The following PKHD1 variants were observed in gnomAD, a reference collection of about 807,000 sequenced individuals.
PKHD1 encodes the protein fibrocystin.
In PKHD1, 291 loss-of-function variants were observed where a neutral mutation model predicts 412.0. That is an observed-to-expected ratio of 0.71 (90% confidence interval 0.64 to 0.78). The LOEUF (loss-of-function observed/expected upper bound fraction) is 0.78. PKHD1 is among the 30% of genes least tolerant of loss of function. The probability of loss-of-function intolerance (pLI) is 0.00; values close to 1 mark genes in which losing one functional copy is unlikely to be tolerated. For missense variants in PKHD1, 4,825 were observed against 4,950.7 expected (o/e 0.97, Z 0.76); for synonymous variants, 1,777 against 1,821.5 (o/e 0.98, Z 0.62).
chr6:52,016,683 A>C (rs1800594764), intron 34 of PKHD1, among the ~76,000 whole-genome samples: 1 of 151,978 alleles, frequency 6.6e-6, no homozygotes, highest in Non-Finnish European at 1.5e-5. Flanking sequence ...GACCTTCATT[A>C]GATAATCAAA....
At chr6:51,880,791 A>C (rs1480322319) in intron 46 of PKHD1, among the ~76,000 whole-genome samples, 2 of 59,032 alleles carry the variant, frequency 3.4e-5, no homozygotes, top group Non-Finnish European at 6.0e-5. Context: ...AAAAAAAAAA[A>C]AAAAAAAAAA....
rs199531851 is a variant in PKHD1, at chr6:52,046,182, G to A, written c.2414C>T (p.Pro805Leu). ...AAGGTGATGAGCAGAAATTTGTACAGGGACATCTGTGAGAGAAGGTTTTGA... is the reference window on the plus strand; with the variant it reads ...AAGGTGATGAGCAGAAATTTGTACAAGGACATCTGTGAGAGAAGGTTTTGA... ...QLPNTVISDV[P>L]VQISAHHLHQ... Residue 805 changes from proline (P) to leucine (L), a missense_variant, in exon 24 of 67, where the codon CCT (proline) becomes CTT (leucine). Physicochemically the swap from Pro to Leu is moderately conservative, Grantham distance 98 (BLOSUM62 -3). Transcript: ENST00000371117. The A allele has an allele frequency of 7.0e-5, 113 of 1,611,184 alleles. No individual in the cohort carries two copies. Among genetic ancestry groups the A allele is most frequent in the Non-Finnish European group, 9.3e-5 (110 of 1,177,478 alleles).
intron 52 of PKHD1, among the ~76,000 whole-genome samples, chr6:51,809,053 C>G (rs1764280177): frequency 6.6e-6 from 1 of 152,030 alleles, no homozygotes; most frequent in African/African-American, 2.4e-5. Context: ...AATCAATAAT[C>G]AATTCAATAT....
intron 23 of PKHD1, 84 bp downstream of exon 23, chr6:52,048,408 A>C: frequency 7.6e-7 from 1 of 1,321,454 alleles, no homozygotes; most frequent in South Asian, 1.2e-5. Context: ...CACCTGTCTG[A>C]CAACCTCCCA....
At chr6:51,783,038 T>A (rs891941045) in intron 53 of PKHD1, among the ~76,000 whole-genome samples, 20 of 152,150 alleles carry the variant, frequency 1.3e-4, no homozygotes, top group Admixed American at 1.2e-3. Flanking sequence ...CAAAGGCACG[T>A]GCTAATGATG....
rs2499481 is a variant in PKHD1, at chr6:52,026,124, C to G, written c.3686G>C (p.Trp1229Ser). ...IGFSRDPALV[W>S]VLVGNRSCDI... is the part of the protein sequence containing the mutation. ...ACAGGACCGATTGCCCACAAGTACCCAAACCAAAGCTGGGTCCCTGCTGAA... is the reference window on the plus strand; with the variant it reads ...ACAGGACCGATTGCCCACAAGTACCGAAACCAAAGCTGGGTCCCTGCTGAA... Residue 1229 changes from tryptophan (W) to serine (S), a missense_variant, in exon 32 of 67, where the codon TGG becomes TCG. Physicochemically the swap from Trp to Ser is radical, Grantham distance 177. Coordinates refer to ENST00000371117, the MANE Select transcript of PKHD1 (RefSeq NM_138694.4). The G allele has an allele frequency of 1.9e-3, 3,140 of 1,614,094 alleles. 59 individuals carry two copies. The African/African-American group carries it at 0.033, about 17-fold the overall frequency.
intron 60 of PKHD1, chr6:51,721,984 C>T (rs954350099): frequency 1.2e-6 from 2 of 1,613,436 alleles, no homozygotes; most frequent in African/African-American, 2.7e-5. Flanking sequence ...CAGGCTCCTC[C>T]TCTATTCTGA....
intron 39 of PKHD1, among the ~76,000 whole-genome samples, chr6:51,910,539 A>C (rs1218169496): frequency 6.6e-6 from 1 of 152,140 alleles, no homozygotes; most frequent in African/African-American, 2.4e-5. Flanking sequence ...GAAATGACTT[A>C]TTTTGAGAAT....
chr6:51,711,343 A>G (rs1780639588), intron 60 of PKHD1, among the ~76,000 whole-genome samples: 1 of 152,158 alleles, frequency 6.6e-6, no homozygotes, highest in African/African-American at 2.4e-5. Context: ...TAAATAACCT[A>G]TACGCAAGTC....
chr6:51,914,212 CT>C (rs1783427622), intron 37 of PKHD1, among the ~76,000 whole-genome samples: 1 of 152,106 alleles, frequency 6.6e-6, no homozygotes. Context: ...AAAGGTCTAG[CT>C]CAACTAGTTA....
chr6:51,820,322 T>C (rs1360751083), intron 52 of PKHD1, among the ~76,000 whole-genome samples: 1 of 152,192 alleles, frequency 6.6e-6, no homozygotes, highest in Non-Finnish European at 1.5e-5. Flanking sequence ...GTCCATCTAG[T>C]CACAAAGGCC....
chr6:51,649,906 T>C (rs1016915918), intron 61 of PKHD1, among the ~76,000 whole-genome samples: 1 of 152,220 alleles, frequency 6.6e-6, no homozygotes, highest in Non-Finnish European at 1.5e-5. Flanking sequence ...ATATTTAGAA[T>C]TGATATTTAC....
rs1263645042 is a variant in PKHD1, at chr6:51,659,848, C to T, written c.10278G>A (p.Lys3426=). 6.2e-7 allele frequency: 1 copy of T among 1,613,708 alleles called. No individual in the cohort carries two copies. The highest frequency in any genetic ancestry group is 8.5e-7 in the Non-Finnish European group (1 of 1,179,840). ...DSADAIWAIQ[K]LYPVVSVTSG... Reference sequence around the variant, plus strand: ...TAGTCACAGATACAACTGGATATAACTTCTGAATTGCCCAAATGGCATCAG... The same window carrying T: ...TAGTCACAGATACAACTGGATATAATTTCTGAATTGCCCAAATGGCATCAG... The change falls in exon 61 of 67, where the codon AAG becomes AAA. Residue 3426 remains lysine (K), a synonymous_variant. Transcript: ENST00000371117.
chr6:51,916,953 A>T (rs573786426), intron 37 of PKHD1, among the ~76,000 whole-genome samples: 4 of 152,220 alleles, frequency 2.6e-5, no homozygotes, highest in Middle Eastern at 3.4e-3. Context: ...TTTCCTACAA[A>T]TTATTGTTCA....
intron 36 of PKHD1, among the ~76,000 whole-genome samples, chr6:51,946,149 A>C (rs1228788234): frequency 6.6e-6 from 1 of 152,202 alleles, no homozygotes; most frequent in Non-Finnish European, 1.5e-5. Flanking sequence ...TTGAAACATC[A>C]TTTACTGACA....
At position 51,870,599 on chromosome 6, in the gene PKHD1, C is replaced by T; in HGVS notation, c.7391G>A (p.Arg2464Lys). ...TGTGTTAGACACCATCAGTTCCCAT[C>T]TTTTAGGAGTTTTAATCCCAGATGA... Reference protein sequence around the residue: ...CMSSGIKTPKRWELMVSNTTF... With the variant: ...CMSSGIKTPKKWELMVSNTTF... The change falls in exon 47 of 67, where the codon AGA becomes AAA. Residue 2464 changes from arginine (R) to lysine (K), a missense_variant. Transcript: ENST00000371117. The T allele has an allele frequency of 1.9e-6, 3 of 1,609,890 alleles. No homozygotes were observed. Among genetic ancestry groups the T allele is most frequent in the Non-Finnish European group, 1.7e-6 (2 of 1,176,218 alleles).
At chr6:51,627,951 C>A (rs1165705979) in intron 65 of PKHD1, among the ~76,000 whole-genome samples, 1 of 152,106 alleles carries the variant, frequency 6.6e-6, no homozygotes, top group Non-Finnish European at 1.5e-5. Flanking sequence ...CCTACCCTCA[C>A]TGAGCTTTTA....
intron 37 of PKHD1, among the ~76,000 whole-genome samples, chr6:51,918,750 G>A (rs920058045): frequency 6.6e-6 from 1 of 152,114 alleles, no homozygotes; most frequent in Admixed American, 6.5e-5. Context: ...TCTGGTTCCT[G>A]ATCCTTGAGG....
chr6:52,010,854 C>G (rs1310064034), intron 34 of PKHD1, among the ~76,000 whole-genome samples: 1 of 152,064 alleles, frequency 6.6e-6, no homozygotes, highest in Non-Finnish European at 1.5e-5. Context: ...TCTTCCTGCT[C>G]TTACTCATAC....
Sources: allele counts gnomAD v4.1 joint callset (sites outside exome capture counted in the v4.1 genomes callset), GRCh38; gene constraint gnomAD v4.1.1; transcripts MANE v1.5; gene names NCBI Gene and HGNC (gene_info 2026-07-23, HGNC 2026-07-21).